Variants in SLC37A3 observed in about 807,000 individuals in gnomAD.
SLC37A3 encodes sugar phosphate exchanger 3.
SLC37A3 carries 51 observed loss-of-function variants against 67.1 expected under a neutral mutation model. That is an observed-to-expected ratio of 0.76 (90% confidence interval 0.61 to 0.96). The LOEUF is 0.96. Ranked by LOEUF, SLC37A3 falls within the 40% of genes least tolerant of loss-of-function variation. SLC37A3 has a pLI of 0.00. For synonymous variants in SLC37A3, 214 were observed against 231.4 expected, an observed-to-expected ratio of 0.92 and a Z score of 0.68; for missense variants, 508 against 603.0, an observed-to-expected ratio of 0.84 and a Z score of 1.65.
At position 140,376,940 on chromosome 7, in the gene SLC37A3, ATTT is replaced by A. The variant is rs34892110; in HGVS notation, c.198+3339_198+3341del. Among the ~76,000 whole-genome samples, 870 of 110,468 alleles carry A rather than the reference ATTT, an allele frequency of 7.9e-3. 8 individuals are homozygous for A. Among genetic ancestry groups the A allele is most frequent in the East Asian group, 0.041 (147 of 3,580 alleles). 72.5% of individuals were successfully genotyped at this position (110,468 alleles called of 152,430 possible). A position where few individuals can be genotyped will look rare whatever the true frequency, so the allele number is the denominator to read the frequency against. On this transcript the variant is annotated intron_variant, in intron 3 of 14. Coordinates refer to ENST00000326232, the MANE Select transcript of SLC37A3 (RefSeq NM_207113.3). The stretch of plus-strand genomic sequence containing the variant: ...AGGTATGTGCCACCACACCCAGCTA[ATTT>A]TTTTTTTTTTTTTTTTTTGAGACAG...
At chr7:140,370,698 G>GAACTGAATACTAAAAAGGT (rs1299546806) in intron 3 of SLC37A3, among the ~76,000 whole-genome samples, 3 of 152,148 alleles carry the variant, frequency 2.0e-5, no homozygotes, top group African/African-American at 7.2e-5. Flanking sequence ...AAAAATTGTA[G>GAACTGAATACTAAAAAGGT]AACTGAATAC....
At chr7:140,347,039 T>C (rs1002576930) in intron 10 of SLC37A3, among the ~76,000 whole-genome samples, 15 of 151,318 alleles carry the variant, frequency 9.9e-5, no homozygotes, top group Admixed American at 2.6e-4. Flanking sequence ...GGTGGGCAAA[T>C]TGCCTGAGCT....
At chr7:140,344,105 C>G (rs1431089568) in intron 12 of SLC37A3, 1 of 160,494 alleles carries the variant, frequency 6.2e-6, no homozygotes, top group Non-Finnish European at 1.3e-5. Context: ...GCAGCTCACT[C>G]TCCCAAGCAT....
chr7:140,360,839 G>A (rs1448391554), intron 5 of SLC37A3, among the ~76,000 whole-genome samples: 5 of 151,950 alleles, frequency 3.3e-5, no homozygotes, highest in African/African-American at 1.2e-4. Flanking sequence ...CACCCGGGGA[G>A]AGCTAATATG....
intron 3 of SLC37A3, among the ~76,000 whole-genome samples, chr7:140,371,642 A>T (rs543764460): frequency 6.6e-6 from 1 of 152,208 alleles, no homozygotes; most frequent in African/African-American, 2.4e-5. Flanking sequence ...TATTTTGTCA[A>T]TATCTTTTGT....
intron 11 of SLC37A3, 91 bp from the exon 12 acceptor site, chr7:140,345,354 G>A (rs1796514623): frequency 2.1e-6 from 2 of 941,600 alleles, no homozygotes; most frequent in East Asian, 4.9e-5. Context: ...GAATCTCCGT[G>A]ACCTCACAAA....
Position 140,335,319 on chromosome 7 carries a change from T to G in SLC37A3, c.*93A>C, listed in dbSNP as rs551341534. 5.6e-6 allele frequency: 9 copies of G among 1,614,156 alleles called. No homozygotes were observed. Among genetic ancestry groups the G allele is most frequent in the African/African-American group, 4.0e-5 (3 of 75,048 alleles). On this transcript the variant is annotated 3_prime_UTR_variant, in exon 15 of 15. Transcript: ENST00000326232. ...GACGCCTGACAATCCAAGATCAGGC[T>G]GGAGCTCCTAGACAAACCCAAATTA...
chr7:140,361,538 T>TCC (rs1797289951), intron 5 of SLC37A3, among the ~76,000 whole-genome samples: 1 of 50,092 alleles, frequency 2.0e-5, no homozygotes, highest in African/African-American at 8.1e-5. Context: ...CCCCTCCCTC[T>TCC]CTCCCTCTCC....
chr7:140,335,634 T>G (rs1418417229), intron 14 of SLC37A3, 130 bp from the exon 15 acceptor site: 2 of 1,143,402 alleles, frequency 1.7e-6, no homozygotes, highest in African/African-American at 3.1e-5. Flanking sequence ...TGTTTAATCT[T>G]CAATGAATTA....
intron 4 of SLC37A3, among the ~76,000 whole-genome samples, chr7:140,367,820 CT>C (rs34092614): frequency 0.34 from 44,203 of 129,680 alleles, 7,524 homozygotes; most frequent in Non-Finnish European, 0.43. Context: ...TCCCACCTTC[CT>C]TTTTTTTTTT....
Position 140,351,367 on chromosome 7 carries a change from T to A in SLC37A3, c.788A>T (p.Tyr263Phe), listed in dbSNP as rs1291325749. Residue 263 changes from tyrosine (Y) to phenylalanine (F), a missense_variant, in exon 9 of 15, where the codon TAT (tyrosine) becomes TTT (phenylalanine). Physicochemically the swap from Tyr to Phe is conservative, Grantham distance 22 (BLOSUM62 3). Transcript: ENST00000326232. The part of the protein sequence containing the change: ...LINGGENEDE[Y>F]EPNYSIQDDS... ...ATCTTGGATTGAATAATTCGGCTCA[T>A]ATTCGTCTTCATTTTCACCACCATT... 3 of 1,614,210 alleles carry A rather than the reference T, an allele frequency of 1.9e-6. No individual in the cohort carries two copies. Among genetic ancestry groups the A allele is most frequent in the African/African-American group, 2.7e-5 (2 of 75,054 alleles).
At chr7:140,336,381 G>A (rs535953208) in intron 14 of SLC37A3, among the ~76,000 whole-genome samples, 1 of 152,154 alleles carries the variant, frequency 6.6e-6, no homozygotes, top group Non-Finnish European at 1.5e-5. Flanking sequence ...AGCTGTGATC[G>A]TGCCACTGCA....
Position 140,364,401 on chromosome 7 carries a change from A to C in SLC37A3, c.375+7T>G. The C allele has an allele frequency of 2.5e-6, 4 of 1,612,126 alleles. No individual in the cohort carries two copies. Among genetic ancestry groups the C allele is most frequent in the Non-Finnish European group, 3.4e-6 (4 of 1,179,116 alleles). On this transcript the variant is annotated splice_region_variant and intron_variant, in intron 5 of 14. Coordinates refer to ENST00000326232, the MANE Select transcript of SLC37A3 (RefSeq NM_207113.3). ...CAAAATAATAATAATAAGACCTTTC[A>C]ACTTACCACTAATGCAGAAGAGCAC...
intron 3 of SLC37A3, 41 bp from the exon 4 acceptor site, chr7:140,369,723 C>A (rs1289278310): frequency 1.3e-6 from 2 of 1,535,878 alleles, no homozygotes; most frequent in African/African-American, 2.7e-5. Context: ...CCTGTAGAAT[C>A]TGCCAGGGCT....
chr7:140,384,085 G>A (rs1798356444), intron 1 of SLC37A3, among the ~76,000 whole-genome samples: 2 of 152,198 alleles, frequency 1.3e-5, no homozygotes, highest in Non-Finnish European at 2.9e-5. Flanking sequence ...CTCCAGTTAT[G>A]AGTCTGCAGA....
chr7:140,369,613 T>C lies in SLC37A3; in HGVS notation c.268A>G (p.Ile90Val), dbSNP rs777434097. 1.2e-6 allele frequency: 2 copies of C among 1,613,956 alleles called. No individual in the cohort carries two copies. Among genetic ancestry groups the C allele is most frequent in the South Asian group, 1.1e-5 (1 of 91,072 alleles). ...ACCACAGCATAGGAGAAGAGGAAAA[T>C]GGTATCCAGTGTGCCGAGGAAAAGA... ...ATLFLGTLDT[I>V]FLFSYAVGLF... Residue 90 changes from isoleucine (I) to valine (V), a missense_variant, in exon 4 of 15, where the codon ATT becomes GTT. Ile to Val is a conservative substitution (Grantham distance 29, BLOSUM62 3). Transcript: ENST00000326232.
intron 3 of SLC37A3, among the ~76,000 whole-genome samples, 166 bp from the exon 4 acceptor site, chr7:140,369,848 C>T (rs1036753629): frequency 7.2e-5 from 11 of 152,222 alleles, no homozygotes; most frequent in Admixed American, 3.9e-4. Context: ...CAGTGGCTCA[C>T]GCCTGTAATC....
rs544437038 is a variant in SLC37A3, at chr7:140,351,505, C to T, written c.704-54G>A. ...TGGAGTGCCTACCACGTGTGAAGGG[C>T]TCTGCATACATCCCTACTTATGAGG... On this transcript the variant is annotated intron_variant, in intron 8 of 14. Coordinates refer to ENST00000326232, the MANE Select transcript of SLC37A3 (RefSeq NM_207113.3). The T allele has an allele frequency of 3.6e-4, 546 of 1,531,140 alleles. 2 individuals are homozygous for T. Among genetic ancestry groups the T allele is most frequent in the Non-Finnish European group, 3.5e-4 (397 of 1,123,192 alleles). 94.8% of individuals were successfully genotyped at this position (1,531,140 alleles called of 1,614,324 possible).
rs757577275 is a variant in SLC37A3, at chr7:140,355,705, G to A, written c.581C>T (p.Ala194Val). 18 of 1,613,566 alleles carry A rather than the reference G, an allele frequency of 1.1e-5. No homozygotes were observed. Among genetic ancestry groups the A allele is most frequent in the East Asian group, 2.2e-5 (1 of 44,882 alleles). The part of the protein sequence containing the change: ...ACASVGNILG[A>V]CLASSVLQYG... ...CTGAAGAACAGAAGAAGCTAGGCAC[G>A]CTCCCAAAATGTTGCCCACCGAAGC... Residue 194 changes from alanine (A) to valine (V), a missense_variant, in exon 7 of 15, where the codon GCG becomes GTG. Physicochemically the swap from Ala to Val is moderately conservative, Grantham distance 64. Coordinates refer to ENST00000326232, the MANE Select transcript of SLC37A3 (RefSeq NM_207113.3).
Sources: gnomAD v4.1 joint callset for allele counts (sites outside exome capture counted in the v4.1 genomes callset) on GRCh38, gnomAD v4.1.1 for gene constraint, MANE v1.5 for transcripts, NCBI Gene and HGNC (gene_info 2026-07-23, HGNC 2026-07-21) for gene names.